The following MARCHF1 variants were observed in gnomAD, a reference collection of about 807,000 sequenced individuals.
The protein encoded by MARCHF1 is E3 ubiquitin-protein ligase MARCHF1.
In MARCHF1, 40 loss-of-function variants were observed where a neutral mutation model predicts 54.2. That is an observed-to-expected ratio of 0.74 (90% CI 0.57 to 0.96). The LOEUF is 0.96. Among genes scored for constraint, MARCHF1 ranks in the 40% least tolerant of loss-of-function variants. The pLI is 0.00. For synonymous variants in MARCHF1, 236 were observed against 236.3 expected (o/e 1.00, Z 0.01); for missense variants, 586 against 656.5 (o/e 0.89, Z 1.17).
At chr4:164,176,993 TATATATATATATATATAC>T (rs60033751) in intron 1 of MARCHF1, among the ~76,000 whole-genome samples, 13,400 of 110,026 alleles carry the variant, frequency 0.12, 1,570 homozygotes, top group Admixed American at 0.22. Flanking sequence ...TATATATATA[TATATATATATATATATAC>T]AAATGATAGA....
intron 1 of MARCHF1, among the ~76,000 whole-genome samples, chr4:164,119,908 A>C (rs1190752735): frequency 1.3e-5 from 2 of 152,038 alleles, no homozygotes; most frequent in African/African-American, 4.8e-5. Context: ...AATGAAATCA[A>C]TCATTCATAG....
chr4:164,285,977 G>A (rs1326098437), intron 1 of MARCHF1, among the ~76,000 whole-genome samples: 2 of 152,096 alleles, frequency 1.3e-5, no homozygotes, highest in Admixed American at 1.3e-4. Flanking sequence ...CCTTCAGCAT[G>A]ACTGGGAGTG....
intron 3 of MARCHF1, among the ~76,000 whole-genome samples, chr4:163,894,100 G>A (rs915424043): frequency 6.6e-6 from 1 of 152,084 alleles, no homozygotes; most frequent in Admixed American, 6.5e-5. Flanking sequence ...TGATGATTCA[G>A]AATTACAAGG....
At chr4:163,952,568 T>C (rs1198531751) in intron 3 of MARCHF1, among the ~76,000 whole-genome samples, 2 of 152,202 alleles carry the variant, frequency 1.3e-5, no homozygotes, top group Non-Finnish European at 2.9e-5. Flanking sequence ...GAGGTGCTTA[T>C]CTGTATTAAT....
chr4:164,230,889 A>G (rs1732396657), intron 1 of MARCHF1, among the ~76,000 whole-genome samples: 1 of 152,158 alleles, frequency 6.6e-6, no homozygotes, highest in Non-Finnish European at 1.5e-5. Context: ...GTTTTCTGAG[A>G]CAATAATTGA....
intron 1 of MARCHF1, among the ~76,000 whole-genome samples, chr4:164,280,089 C>T (rs929228114): frequency 3.3e-5 from 5 of 151,112 alleles, no homozygotes; most frequent in Non-Finnish European, 5.9e-5. Context: ...AAATTCTTAC[C>T]CTGTTTTATA....
chr4:164,320,209 A>T (rs946440428), intron 1 of MARCHF1, among the ~76,000 whole-genome samples: 4 of 152,196 alleles, frequency 2.6e-5, no homozygotes, highest in Admixed American at 6.5e-5. Flanking sequence ...GGTATTAAGC[A>T]TTCTACTTAG....
At chr4:163,606,768 A>G (rs761855681) in intron 7 of MARCHF1, among the ~76,000 whole-genome samples, 3 of 151,836 alleles carry the variant, frequency 2.0e-5, no homozygotes, top group Non-Finnish European at 2.9e-5. Context: ...CCTTTTCCCA[A>G]TTCATAAGAT....
intron 5 of MARCHF1, among the ~76,000 whole-genome samples, chr4:163,645,688 A>G (rs942044471): frequency 6.6e-5 from 10 of 152,232 alleles, no homozygotes; most frequent in African/African-American, 2.4e-4. Flanking sequence ...ATACAAAGAC[A>G]GAAGTAAAAA....
chr4:164,322,834 C>CTTAAACT (rs1349355798), intron 1 of MARCHF1, among the ~76,000 whole-genome samples: 1 of 151,794 alleles, frequency 6.6e-6, no homozygotes, highest in Non-Finnish European at 1.5e-5. Flanking sequence ...TTAAGTTTAC[C>CTTAAACT]TACACAGGTA....
intron 3 of MARCHF1, among the ~76,000 whole-genome samples, chr4:163,907,595 T>C (rs1472573349): frequency 6.6e-6 from 1 of 152,098 alleles, no homozygotes; most frequent in African/African-American, 2.4e-5. Context: ...TACAATAACT[T>C]CTCAGTTGAA....
intron 3 of MARCHF1, among the ~76,000 whole-genome samples, chr4:163,886,647 C>A (rs1750545664): frequency 6.6e-6 from 1 of 152,056 alleles, no homozygotes; most frequent in Non-Finnish European, 1.5e-5. Context: ...GACAGAAAGA[C>A]CTTTTGTGTT....
intron 2 of MARCHF1, among the ~76,000 whole-genome samples, chr4:164,034,761 T>C (rs528591598): frequency 3.3e-4 from 51 of 152,302 alleles, no homozygotes; most frequent in African/African-American, 1.2e-3. Flanking sequence ...TAGCCCAATA[T>C]ATGTTTTCTT....
At chr4:163,952,021 G>A (rs576303708) in intron 3 of MARCHF1, among the ~76,000 whole-genome samples, 36 of 152,230 alleles carry the variant, frequency 2.4e-4, no homozygotes, top group African/African-American at 8.7e-4. Flanking sequence ...TTTCTTAAAT[G>A]TTGAGAAGTA....
intron 7 of MARCHF1, among the ~76,000 whole-genome samples, chr4:163,600,386 C>A (rs1181875075): frequency 6.6e-6 from 1 of 152,068 alleles, no homozygotes; most frequent in Non-Finnish European, 1.5e-5. Context: ...TGGATGGAAT[C>A]CTGGCAGCAT....
Position 163,932,072 on chromosome 4 carries a change from C to A in MARCHF1, c.-39+56429G>T, listed in dbSNP as rs73868953. Among the ~76,000 whole-genome samples the A allele has an allele frequency of 4.4e-3, 660 of 150,258 alleles. 8 individuals are homozygous for A. Among genetic ancestry groups the A allele is most frequent in the African/African-American group, 0.016 (640 of 40,802 alleles). The stretch of plus-strand genomic sequence containing the variant: ...TTAAGTGCAATAGGCATTATATCAA[C>A]AAAACAATGTACGTAATTTAATTAA... On this transcript the variant is annotated intron_variant, in intron 3 of 9. Coordinates refer to ENST00000514618, the MANE Select transcript of MARCHF1 (RefSeq NM_001394959.1).
chr4:164,236,578 AAG>A (rs1315614269), intron 1 of MARCHF1, among the ~76,000 whole-genome samples: 1 of 152,116 alleles, frequency 6.6e-6, no homozygotes, highest in African/African-American at 2.4e-5. Flanking sequence ...GATCTGAAAT[AAG>A]AGGGCAAAGC....
At chr4:163,723,812 G>T (rs930695967) in intron 4 of MARCHF1, among the ~76,000 whole-genome samples, 3 of 152,138 alleles carry the variant, frequency 2.0e-5, no homozygotes, top group Non-Finnish European at 4.4e-5. Context: ...CCAGTTGAAC[G>T]AATCGGCTAC....
Position 164,326,957 on chromosome 4 carries a change from T to TTGTGTGTGTGTGTGTG in MARCHF1, c.-323+56897_-323+56912dup, listed in dbSNP as rs370504086. 6.0e-3 allele frequency among the ~76,000 whole-genome samples: 800 copies of TTGTGTGTGTGTGTGTG among 133,680 alleles called. 12 individuals carry two copies. The highest frequency in any genetic ancestry group is 0.014 in the East Asian group (63 of 4,456). The allele number at this position is 133,680 out of a possible 152,430, so 87.7% of individuals were successfully genotyped here. On this transcript the variant is annotated intron_variant, in intron 1 of 9. Transcript: ENST00000514618. ...CTACCTCATAGGTTTGTTGTAAGGA[T>TTGTGTGTGTGTGTGTG]TGTGTGTGTGTGTGTGTGTGTGTGT...
Sources: gnomAD v4.1 joint callset for allele counts (sites outside exome capture counted in the v4.1 genomes callset) on GRCh38, gnomAD v4.1.1 for gene constraint, MANE v1.5 for transcripts, NCBI Gene and HGNC (gene_info 2026-07-23, HGNC 2026-07-21) for gene names.